MGST1: variants seen among roughly 807,000 people sequenced by gnomAD.
MGST1 encodes the protein microsomal glutathione S-transferase 1.
A neutral mutation model predicts 8.9 loss-of-function variants in MGST1; 5 were observed. The observed-to-expected ratio is 0.56, with a 90% CI of 0.29 to 1.19. The LOEUF (loss-of-function observed/expected upper bound fraction) is 1.19. MGST1 is among the 50% of genes most tolerant of loss of function. The pLI is 0.08. For missense variants in MGST1, 182 were observed against 187.4 expected (o/e 0.97, Z 0.17); for synonymous variants, 54 against 67.8 (o/e 0.80, Z 1.00).
intron 4 of MGST1, among the ~76,000 whole-genome samples, chr12:16,558,487 T>A (rs979504826): frequency 6.6e-6 from 1 of 152,200 alleles, no homozygotes; most frequent in South Asian, 2.1e-4. Context: ...ATAAAATACA[T>A]ATATACATGC....
chr12:16,359,819 A>T (rs1939903708), intron 3 of MGST1, among the ~76,000 whole-genome samples: 1 of 152,208 alleles, frequency 6.6e-6, no homozygotes, highest in Non-Finnish European at 1.5e-5. Flanking sequence ...AGTAAGACTG[A>T]AATGAAAATC....
chr12:16,505,102 A>T (rs1941528382), intron 4 of MGST1, among the ~76,000 whole-genome samples: 1 of 152,026 alleles, frequency 6.6e-6, no homozygotes, highest in African/African-American at 2.4e-5. Flanking sequence ...TGCTTCCTTT[A>T]TATTCTCACT....
intron 1 of MGST1, among the ~76,000 whole-genome samples, chr12:16,390,431 G>T (rs995582636): frequency 1.3e-5 from 2 of 152,024 alleles, no homozygotes; most frequent in African/African-American, 4.8e-5. Flanking sequence ...ATTCTTTTCT[G>T]CTCCTCTCCC....
rs567094482 is a variant in MGST1 at position 16,522,575 on chromosome 12, C to T, written n.483-66953C>T. Among the ~76,000 whole-genome samples, 4 of 152,174 alleles carry T rather than the reference C, an allele frequency of 2.6e-5. No individual in the cohort carries two copies. The South Asian group carries it at 8.3e-4, about 32-fold the overall frequency. On this transcript the variant is annotated intron_variant and non_coding_transcript_variant, in intron 4 of 4. Transcript: ENST00000538857. The stretch of plus-strand genomic sequence containing the variant: ...ATTATCCCCAGCAGCTTCATCTATT[C>T]TTCCTTGTTTCCTGACTCCATGGCT...
intron 4 of MGST1, among the ~76,000 whole-genome samples, chr12:16,535,585 A>G: frequency 6.6e-6 from 1 of 152,256 alleles, no homozygotes; most frequent in Non-Finnish European, 1.5e-5. Context: ...CTTATGGTCT[A>G]TAGTGGAACC....
Position 16,513,672 on chromosome 12 carries a change from C to G in MGST1, n.483-75856C>G. On this transcript the variant is annotated intron_variant and non_coding_transcript_variant, in intron 4 of 4. Transcript: ENST00000538857. This position sits in a 1 kb window ranked among gnomAD's most constrained non-coding sequence, Gnocchi z 4.2. The stretch of plus-strand genomic sequence containing the variant: ...CCAAAAATTTGGACGAGGACTACCT[C>G]TCCATTGGGCGGCTGGCTGAATTTT... 1 of 520,166 alleles carries G rather than the reference C, an allele frequency of 1.9e-6. No homozygotes were observed. The highest frequency in any genetic ancestry group is 3.9e-6 in the Non-Finnish European group (1 of 257,518). 32.2% of individuals were successfully genotyped at this position (520,166 alleles called of 1,614,324 possible).
At chr12:16,397,252 T>C (rs59912050) in intron 1 of MGST1, among the ~76,000 whole-genome samples, 4,524 of 152,228 alleles carry the variant, frequency 0.03, 233 homozygotes, top group African/African-American at 0.1. Flanking sequence ...TGGATCCTCA[T>C]CTCTCACCTT....
At chr12:16,456,780 C>A (rs1941177433) in intron 4 of MGST1, among the ~76,000 whole-genome samples, 1 of 151,860 alleles carries the variant, frequency 6.6e-6, no homozygotes, top group African/African-American at 2.4e-5. Context: ...ATGGCAACCT[C>A]AAGCTATTCT....
chr12:16,505,538 G>A (rs925845865), intron 4 of MGST1, among the ~76,000 whole-genome samples: 2 of 152,128 alleles, frequency 1.3e-5, no homozygotes, highest in Non-Finnish European at 2.9e-5. Flanking sequence ...ACGTAATTCA[G>A]TGTCCTTCTT....
chr12:16,380,744 G>A (rs568874500), downstream of MGST1, among the ~76,000 whole-genome samples: 300 of 152,260 alleles, frequency 2.0e-3, no homozygotes, highest in Admixed American at 5.7e-3. Context: ...ACAGTAGGGT[G>A]TTAAAGTCTC....
intron 4 of MGST1, among the ~76,000 whole-genome samples, chr12:16,507,321 G>C (rs554218506): frequency 6.6e-6 from 1 of 152,220 alleles, no homozygotes; most frequent in Admixed American, 6.5e-5. Context: ...ATGAGTAGGG[G>C]CAAGTTCATC....
intron 4 of MGST1, among the ~76,000 whole-genome samples, chr12:16,530,797 C>G (rs1265407049): frequency 6.6e-6 from 1 of 152,052 alleles, no homozygotes; most frequent in Non-Finnish European, 1.5e-5. Context: ...AGGTACCCAC[C>G]CCTCATTATT....
chr12:16,529,192 T>C (rs1295461573), intron 4 of MGST1, among the ~76,000 whole-genome samples: 3 of 152,050 alleles, frequency 2.0e-5, no homozygotes, highest in African/African-American at 7.2e-5. Flanking sequence ...CGCTCACTCT[T>C]TCATTCTTGG....
intron 1 of MGST1, chr12:16,400,685 C>T (rs1436260836): frequency 2.7e-6 from 4 of 1,495,362 alleles, no homozygotes; most frequent in African/African-American, 2.8e-5. Context: ...TTCATTCCTG[C>T]CCAGAGCACT....
downstream of MGST1, chr12:16,367,319 T>A (rs955233145): frequency 1.3e-5 from 2 of 152,144 alleles, no homozygotes; most frequent in African/African-American, 4.8e-5. Context: ...AAAATGATTC[T>A]TTCAGGGCAC....
In MGST1 at chr12:16,482,460, G is replaced by A. The variant is rs1196422626; in HGVS notation, n.482+98856G>A. The stretch of plus-strand genomic sequence containing the variant: ...AGCCTGGCCAAGAGGGTGAAACACC[G>A]TCTCTACTAAAAATACAAAAATTAG... On this transcript the variant is annotated intron_variant and non_coding_transcript_variant, in intron 4 of 4. Transcript: ENST00000538857. This position sits in a 1 kb window ranked among gnomAD's most constrained non-coding sequence, Gnocchi z 4.2. 2.6e-5 allele frequency among the ~76,000 whole-genome samples: 4 copies of A among 152,000 alleles called. No homozygotes were observed. The highest frequency in any genetic ancestry group is 2.1e-4 in the South Asian group (1 of 4,820).
At chr12:16,530,047 A>T (rs1246155194) in intron 4 of MGST1, among the ~76,000 whole-genome samples, 1 of 152,112 alleles carries the variant, frequency 6.6e-6, no homozygotes, top group African/African-American at 2.4e-5. Flanking sequence ...ACTCAGAGCA[A>T]ATAGAATGGA....
chr12:16,533,922 GA>G (rs1399161599), intron 4 of MGST1, among the ~76,000 whole-genome samples: 1 of 152,098 alleles, frequency 6.6e-6, no homozygotes, highest in Non-Finnish European at 1.5e-5. Flanking sequence ...CAGGCAGAGG[GA>G]ACAGCATAGG....
At chr12:16,422,257 A>G (rs536839389) in intron 1 of MGST1, among the ~76,000 whole-genome samples, 75 of 152,264 alleles carry the variant, frequency 4.9e-4, no homozygotes, top group African/African-American at 1.7e-3. Context: ...ATATGAATCT[A>G]TCCATCTATC....
Sources: allele counts gnomAD v4.1 joint callset (sites outside exome capture counted in the v4.1 genomes callset), GRCh38; gene constraint gnomAD v4.1.1; non-coding constraint Gnocchi (gnomAD v3.1); transcripts MANE v1.5; gene names NCBI Gene and HGNC (gene_info 2026-07-23, HGNC 2026-07-21).